Variants in TMEM178B observed in about 807,000 individuals in gnomAD.
TMEM178B encodes transmembrane protein 178B.
Under a neutral mutation model 31.0 loss-of-function variants are expected in TMEM178B, and 5 were observed. The ratio of observed to expected loss-of-function variants is 0.16; its 90% CI spans 0.08 to 0.34. The LOEUF is 0.34. TMEM178B is among the 10% of genes least tolerant of loss of function. The pLI is 1.00. For missense variants in TMEM178B, 275 were observed against 400.3 expected (o/e 0.69, Z 2.67); for synonymous variants, 164 against 164.0 (o/e 1.00, Z 0.00).
At chr7:141,346,065 C>G (rs1486067182) in intron 2 of TMEM178B, among the ~76,000 whole-genome samples, 7 of 151,764 alleles carry the variant, frequency 4.6e-5, no homozygotes, top group Non-Finnish European at 8.8e-5. Context: ...ACTAAAAATA[C>G]AAAAAATTAG....
intron 1 of TMEM178B, among the ~76,000 whole-genome samples, chr7:141,199,626 A>G (rs754081761): frequency 6.6e-6 from 1 of 151,560 alleles, no homozygotes; most frequent in Non-Finnish European, 1.5e-5. Context: ...TTGCTCTATC[A>G]CTTAGGCTGG....
intron 2 of TMEM178B, among the ~76,000 whole-genome samples, chr7:141,425,602 T>G (rs962258839): frequency 1.3e-5 from 2 of 152,174 alleles, no homozygotes; most frequent in African/African-American, 4.8e-5. Flanking sequence ...GGGGCCATTC[T>G]TGTGAGTTTT....
intron 1 of TMEM178B, among the ~76,000 whole-genome samples, chr7:141,095,092 C>G (rs1306599945): frequency 6.6e-6 from 1 of 152,200 alleles, no homozygotes; most frequent in African/African-American, 2.4e-5. Context: ...CATTTATAGG[C>G]AGCCACTTTG....
intron 1 of TMEM178B, among the ~76,000 whole-genome samples, chr7:141,159,110 T>C (rs893460934): frequency 6.6e-6 from 1 of 152,090 alleles, no homozygotes; most frequent in African/African-American, 2.4e-5. Flanking sequence ...CAACCTCTCC[T>C]GCCTGCACCC....
chr7:141,117,668 T>C (rs916213108), intron 1 of TMEM178B, among the ~76,000 whole-genome samples: 2 of 152,212 alleles, frequency 1.3e-5, no homozygotes, highest in African/African-American at 4.8e-5. Flanking sequence ...CTTTAATCCA[T>C]GTTGAGTTAA....
chr7:141,487,887 C>T, the TMEM178B span, among the ~76,000 whole-genome samples: 8 of 151,310 alleles, frequency 5.3e-5, no homozygotes, highest in Admixed American at 4.6e-4. Flanking sequence ...TTTTCTTGTT[C>T]TGCGTGCTCC....
rs117263492 is a variant in TMEM178B at position 141,373,355 on chromosome 7, A to C, written c.497-64253A>C. Among the ~76,000 whole-genome samples the C allele has an allele frequency of 2.8e-3, 433 of 152,290 alleles. 1 individual carries two copies. The highest frequency in any genetic ancestry group is 5.6e-3 in the Non-Finnish European group (378 of 68,028). ...ACAACAGCAAACAACAACAACAACA[A>C]ATCCTGAGGACCAGTATGGAGCCAC... On this transcript the variant is annotated intron_variant, in intron 2 of 3. Transcript: ENST00000565468.
chr7:141,433,003 G>A (rs1250006873), intron 2 of TMEM178B, among the ~76,000 whole-genome samples: 1 of 152,228 alleles, frequency 6.6e-6, no homozygotes, highest in African/African-American at 2.4e-5. Flanking sequence ...TGAGAGCCAA[G>A]TAGAAGAGAG....
chr7:141,253,544 C>CTTTTTTTTTTTTTT (rs34199017), intron 2 of TMEM178B, among the ~76,000 whole-genome samples: 2 of 70,032 alleles, frequency 2.9e-5, no homozygotes, highest in Non-Finnish European at 2.5e-5. Flanking sequence ...ATTTTCCCTT[C>CTTTTTTTTTTTTTT]TTTTTTTTTT....
intron 2 of TMEM178B, among the ~76,000 whole-genome samples, chr7:141,215,269 T>G (rs1025714416): frequency 2.6e-5 from 4 of 152,016 alleles, no homozygotes; most frequent in Admixed American, 6.5e-5. Flanking sequence ...CCTGCACTCT[T>G]TAAGTGGAAT....
At chr7:141,441,897 G>A (rs567816325) in intron 3 of TMEM178B, among the ~76,000 whole-genome samples, 1 of 152,314 alleles carries the variant, frequency 6.6e-6, no homozygotes, top group African/African-American at 2.4e-5. Context: ...TCAGCCCCGA[G>A]GAGATGATTA....
chr7:141,207,195 A>G (rs781404629), intron 1 of TMEM178B, among the ~76,000 whole-genome samples: 2 of 152,202 alleles, frequency 1.3e-5, no homozygotes, highest in Non-Finnish European at 2.9e-5. Context: ...CTTATCCTTC[A>G]TCTGCTGATG....
At chr7:141,095,744 A>G (rs1010180148) in intron 1 of TMEM178B, among the ~76,000 whole-genome samples, 9 of 152,186 alleles carry the variant, frequency 5.9e-5, no homozygotes, top group African/African-American at 1.2e-4. Context: ...CATTTTACAT[A>G]CAGAAGACCT....
In TMEM178B at chr7:141,473,733, T is replaced by C. The variant is rs973267820; in HGVS notation, c.*2947T>C. The C allele has an allele frequency of 3.3e-5, 5 of 152,172 alleles. No homozygotes were observed. The highest frequency in any genetic ancestry group is 7.3e-5 in the Non-Finnish European group (5 of 68,066). The allele number at this position is 152,172 out of a possible 1,614,324, so 9.4% of individuals were successfully genotyped here. A position where few individuals can be genotyped will look rare whatever the true frequency, so the allele number is the denominator to read the frequency against. ...CAGGACCAGATAAATACGAACACAC[T>C]TTGGGATCTGATCCTGCTGGGAAGC... is the stretch of plus-strand genomic sequence containing the variant. On this transcript the variant is annotated 3_prime_UTR_variant, in exon 4 of 4. Transcript: ENST00000565468.
chr7:141,248,549 C>T (rs555867952), intron 2 of TMEM178B, among the ~76,000 whole-genome samples: 27 of 152,298 alleles, frequency 1.8e-4, no homozygotes, highest in African/African-American at 5.8e-4. Flanking sequence ...CGCACCTGGG[C>T]TACATGATAT....
At chr7:141,236,734 G>T (rs1315832306) in intron 2 of TMEM178B, among the ~76,000 whole-genome samples, 1 of 152,220 alleles carries the variant, frequency 6.6e-6, no homozygotes, top group Non-Finnish European at 1.5e-5. Context: ...GGAAAAAGAG[G>T]TGATTATTTA....
rs370093948 is a variant in TMEM178B at position 141,270,066 on chromosome 7, A to T, written c.496+57362A>T. 6.8e-4 allele frequency among the ~76,000 whole-genome samples: 103 copies of T among 152,312 alleles called. 2 individuals are homozygous for T. The South Asian group carries it at 0.019, about 28-fold the overall frequency. Reference sequence around the variant, plus strand: ...GGTGACAGAGTGAGACTCAGTCTCAAAAAAACAAACAAACAAAAAACTCAT... The same window carrying T: ...GGTGACAGAGTGAGACTCAGTCTCATAAAAACAAACAAACAAAAAACTCAT... On this transcript the variant is annotated intron_variant, in intron 2 of 3. Transcript: ENST00000565468.
intron 2 of TMEM178B, among the ~76,000 whole-genome samples, chr7:141,215,912 C>CT (rs769869162): frequency 3.8e-3 from 103 of 26,804 alleles, no homozygotes; most frequent in East Asian, 6.4e-3. Context: ...TTCTTTCTTT[C>CT]TTTTTTTTTT....
intron 1 of TMEM178B, among the ~76,000 whole-genome samples, chr7:141,097,838 G>A (rs1211243806): frequency 7.1e-6 from 1 of 141,056 alleles, no homozygotes; most frequent in African/African-American, 2.8e-5. Flanking sequence ...TGTCACCCAG[G>A]ATGGAGTGCA....
Sources: allele counts gnomAD v4.1 joint callset (sites outside exome capture counted in the v4.1 genomes callset), GRCh38; gene constraint gnomAD v4.1.1; transcripts MANE v1.5; gene names NCBI Gene and HGNC (gene_info 2026-07-23, HGNC 2026-07-21).